SHANK2: variants seen among roughly 807,000 people sequenced by gnomAD.
The protein encoded by SHANK2 is SH3 and multiple ankyrin repeat domains 2.
Under a neutral mutation model 133.7 loss-of-function variants are expected in SHANK2, and 43 were observed. The observed-to-expected ratio is 0.32, with a 90% CI of 0.25 to 0.41. SHANK2 has a LOEUF of 0.41. SHANK2 is among the 10% of genes least tolerant of loss of function. SHANK2 has a pLI of 1.00. For missense variants in SHANK2, 1,994 were observed against 2,235.8 expected, an observed-to-expected ratio of 0.89 and a Z score of 2.18; for synonymous variants, 1,017 against 952.8, an observed-to-expected ratio of 1.07 and a Z score of -1.24.
chr11:70,752,155 T>A (rs112551742), intron 14 of SHANK2, among the ~76,000 whole-genome samples: 1 of 152,152 alleles, frequency 6.6e-6, no homozygotes, highest in Non-Finnish European at 1.5e-5. Context: ...CACTTTCTTA[T>A]CCAGGCTGGT....
intron 17 of SHANK2, among the ~76,000 whole-genome samples, chr11:70,618,296 GAAA>G: frequency 8.9e-6 from 1 of 112,132 alleles, no homozygotes; most frequent in African/African-American, 3.4e-5. Context: ...CTCGGTCTCA[GAAA>G]AAAAAAAAAA....
chr11:71,213,963 T>C (rs1954344133), intron 2 of SHANK2, among the ~76,000 whole-genome samples: 1 of 152,068 alleles, frequency 6.6e-6, no homozygotes, highest in Non-Finnish European at 1.5e-5. Context: ...CACCCCTTTT[T>C]CAACTCCTGT....
At chr11:70,484,304 G>T (rs1204675766) in intron 25 of SHANK2, among the ~76,000 whole-genome samples, 1 of 152,152 alleles carries the variant, frequency 6.6e-6, no homozygotes, top group African/African-American at 2.4e-5. Context: ...AGATCATGGT[G>T]GGGGAGTTCT....
intron 12 of SHANK2, among the ~76,000 whole-genome samples, chr11:70,819,664 G>A (rs1555055300): frequency 1.3e-5 from 2 of 152,146 alleles, no homozygotes. Context: ...TCTGCCCTAT[G>A]CTGCCCATGT....
chr11:71,123,530 T>C (rs1452661720), intron 3 of SHANK2, among the ~76,000 whole-genome samples: 5 of 152,032 alleles, frequency 3.3e-5, no homozygotes, highest in Non-Finnish European at 5.9e-5. Context: ...GAGGCAAAGG[T>C]AGAACAGCGA....
At chr11:70,598,970 C>CTT (rs55694435) in intron 17 of SHANK2, among the ~76,000 whole-genome samples, 25,420 of 135,332 alleles carry the variant, frequency 0.19, 2,649 homozygotes, top group East Asian at 0.39. Flanking sequence ...ATTTTGAAAG[C>CTT]TTTTTTTTTT....
intron 11 of SHANK2, chr11:70,864,510 G>A (rs1949320620): frequency 6.6e-6 from 1 of 152,354 alleles, no homozygotes; most frequent in South Asian, 2.1e-4. Flanking sequence ...GAAGTGCCCT[G>A]CACAAGGTCA....
At chr11:70,524,235 G>T (rs1456580098) in intron 17 of SHANK2, among the ~76,000 whole-genome samples, 1 of 152,210 alleles carries the variant, frequency 6.6e-6, no homozygotes, top group Non-Finnish European at 1.5e-5. Context: ...ACCCCCTGGG[G>T]GGCAGTGCAG....
chr11:71,149,124 G>A (rs1555107352), intron 2 of SHANK2, among the ~76,000 whole-genome samples: 1 of 152,192 alleles, frequency 6.6e-6, no homozygotes, highest in East Asian at 1.9e-4. Context: ...AAGGAGGGCA[G>A]GAGTGCAGGG....
chr11:70,809,405 T>C (rs782433818), intron 12 of SHANK2, among the ~76,000 whole-genome samples: 1 of 152,226 alleles, frequency 6.6e-6, no homozygotes, highest in African/African-American at 2.4e-5. Flanking sequence ...CGGATGTGAC[T>C]ACCCTCTTTT....
intron 17 of SHANK2, among the ~76,000 whole-genome samples, chr11:70,594,776 G>A (rs996952452): frequency 6.6e-6 from 1 of 152,114 alleles, no homozygotes; most frequent in African/African-American, 2.4e-5. Flanking sequence ...ATGGGCATTC[G>A]TTGCCCATCA....
intron 17 of SHANK2, among the ~76,000 whole-genome samples, chr11:70,648,559 G>A (rs2061299462): frequency 6.6e-6 from 1 of 152,136 alleles, no homozygotes; most frequent in Admixed American, 6.5e-5. Flanking sequence ...AGGCAGATAT[G>A]GGGGTAAAGT....
chr11:70,793,292 C>T (rs1487520422), intron 14 of SHANK2, among the ~76,000 whole-genome samples: 3 of 152,180 alleles, frequency 2.0e-5, no homozygotes, highest in Non-Finnish European at 4.4e-5. Flanking sequence ...TTCACATACA[C>T]AGGTTCCATG....
chr11:70,537,145 C>T (rs942000737), intron 17 of SHANK2, among the ~76,000 whole-genome samples: 6 of 152,126 alleles, frequency 3.9e-5, no homozygotes, highest in Non-Finnish European at 7.4e-5. Context: ...GTTCCCTGAG[C>T]GCCCCCCTCT....
intron 8 of SHANK2, among the ~76,000 whole-genome samples, chr11:71,076,156 C>A (rs2135986453): frequency 6.6e-6 from 1 of 152,134 alleles, no homozygotes; most frequent in East Asian, 1.9e-4. Context: ...GTGATGAGGG[C>A]CCCTCTGTCC....
intron 8 of SHANK2, among the ~76,000 whole-genome samples, chr11:71,077,948 T>C (rs1001934972): frequency 0.02 from 3,055 of 152,212 alleles, 95 homozygotes; most frequent in African/African-American, 0.07. Context: ...AATGAAAATG[T>C]GGATGCCTGT....
Position 71,082,943 on chromosome 11 carries a change from GC to G in SHANK2, c.913-7669del, listed in dbSNP as rs1256897794. ...TACAACGGATTGTTTCTTAACGCCC[GC>G]CCCCCCCCCAACCCTTCTGAAACAG... On this transcript the variant is annotated intron_variant, in intron 8 of 25. Transcript: ENST00000601538. Among the ~76,000 whole-genome samples the G allele has an allele frequency of 3.9e-3, 446 of 115,840 alleles. 1 individual carries two copies. The highest frequency in any genetic ancestry group is 0.011 in the East Asian group (40 of 3,716). The allele number at this position is 115,840 out of a possible 152,430, so 76.0% of individuals were successfully genotyped here. A position where few individuals can be genotyped will look rare whatever the true frequency, so the allele number is the denominator to read the frequency against.
intron 11 of SHANK2, among the ~76,000 whole-genome samples, chr11:70,887,504 A>G (rs1484679434): frequency 2.0e-5 from 3 of 152,020 alleles, no homozygotes; most frequent in African/African-American, 7.3e-5. Context: ...ACTTGAATCC[A>G]TTTCTGGGTT....
At chr11:70,621,093 C>T (rs952392547) in intron 17 of SHANK2, among the ~76,000 whole-genome samples, 4 of 152,186 alleles carry the variant, frequency 2.6e-5, no homozygotes. Flanking sequence ...AATGAAAGCT[C>T]AGGCACCAAG....
Sources: allele counts gnomAD v4.1 joint callset (sites outside exome capture counted in the v4.1 genomes callset), GRCh38; gene constraint gnomAD v4.1.1; transcripts MANE v1.5; gene names NCBI Gene and HGNC (gene_info 2026-07-23, HGNC 2026-07-21).